The following DAB1 variants were observed in gnomAD, a reference collection of about 807,000 sequenced individuals.
The protein encoded by DAB1 is disabled homolog 1.
In DAB1, 15 loss-of-function variants were observed where a neutral mutation model predicts 64.6. The ratio of observed to expected loss-of-function variants is 0.23; its 90% CI spans 0.16 to 0.36. The LOEUF (loss-of-function observed/expected upper bound fraction) is 0.36. DAB1 is among the 10% of genes least tolerant of loss of function. The pLI is 1.00. For synonymous variants in DAB1, 235 were observed against 251.9 expected (o/e 0.93, Z 0.64); for missense variants, 596 against 706.7 (o/e 0.84, Z 1.78).
chr1:57,506,178 C>T (rs1197940187), intron 7 of DAB1, among the ~76,000 whole-genome samples: 2 of 152,014 alleles, frequency 1.3e-5, no homozygotes, highest in African/African-American at 2.4e-5. Flanking sequence ...TTTGGCGTTG[C>T]ATTGTTAAGA....
At chr1:57,285,500 T>A (rs1307270819) in intron 2 of DAB1, among the ~76,000 whole-genome samples, 1 of 152,062 alleles carries the variant, frequency 6.6e-6, no homozygotes, top group African/African-American at 2.4e-5. Context: ...CTCGAACACC[T>A]GACCTCAGGT....
intron 4 of DAB1, among the ~76,000 whole-genome samples, chr1:57,086,137 G>A (rs905062443): frequency 6.6e-6 from 1 of 152,280 alleles, no homozygotes; most frequent in South Asian, 2.1e-4. Flanking sequence ...TAAAAAACTG[G>A]AGTGGTTGAA....
chr1:57,574,485 G>A (rs1645227554), intron 7 of DAB1, among the ~76,000 whole-genome samples: 2 of 152,124 alleles, frequency 1.3e-5, no homozygotes, highest in African/African-American at 2.4e-5. Flanking sequence ...TTTTTTAGAA[G>A]AGAAAAGTAA....
intron 7 of DAB1, among the ~76,000 whole-genome samples, chr1:57,440,728 T>C (rs1169380087): frequency 6.6e-6 from 1 of 152,228 alleles, no homozygotes; most frequent in Non-Finnish European, 1.5e-5. Context: ...CTCCAGGGAA[T>C]ATCCACAGGG....
intron 1 of DAB1, among the ~76,000 whole-genome samples, chr1:57,371,655 G>T (rs191191138): frequency 6.6e-6 from 1 of 152,276 alleles, no homozygotes; most frequent in Admixed American, 6.5e-5. Flanking sequence ...CTCTACAGGG[G>T]AAGTCAATAT....
In DAB1 at chr1:57,026,061, T is replaced by C. The variant is rs755839095; in HGVS notation, c.724-18A>G. On this transcript the variant is annotated intron_variant, in intron 9 of 14. Transcript: ENST00000371236. The stretch of plus-strand genomic sequence containing the variant: ...GTCACAGCCTGTAAAGACAAAAAGG[T>C]AATCATGTGACTACAAAGAAAGCTG... 52 of 1,595,990 alleles carry C rather than the reference T, an allele frequency of 3.3e-5. No individual in the cohort carries two copies. Among genetic ancestry groups the C allele is most frequent in the Admixed American group, 8.6e-5 (5 of 57,964 alleles).
chr1:58,076,605 G>T (rs992901052), intron 5 of DAB1, among the ~76,000 whole-genome samples: 5 of 152,144 alleles, frequency 3.3e-5, no homozygotes, highest in Non-Finnish European at 5.9e-5. Context: ...CTTGCCCAAG[G>T]TTTCCTAATT....
At chr1:57,149,452 T>G (rs747356227) in intron 2 of DAB1, among the ~76,000 whole-genome samples, 3 of 152,198 alleles carry the variant, frequency 2.0e-5, no homozygotes, top group Non-Finnish European at 4.4e-5. Context: ...CCTAGCAAAA[T>G]ATAAGGTTCC....
intron 2 of DAB1, among the ~76,000 whole-genome samples, chr1:57,219,051 C>T (rs913820834): frequency 2.6e-5 from 4 of 152,072 alleles, no homozygotes; most frequent in African/African-American, 9.7e-5. Flanking sequence ...CTTTTTCTAT[C>T]GCATGGATAG....
At chr1:57,841,584 C>T (rs1453413244) in intron 1 of DAB1, among the ~76,000 whole-genome samples, 1 of 152,254 alleles carries the variant, frequency 6.6e-6, no homozygotes, top group Admixed American at 6.5e-5. Flanking sequence ...CCTAACACCA[C>T]ATGGAAGCCA....
At chr1:58,386,579 A>C (rs1405540767) in intron 3 of DAB1, among the ~76,000 whole-genome samples, 2 of 152,130 alleles carry the variant, frequency 1.3e-5, no homozygotes, top group Admixed American at 1.3e-4. Flanking sequence ...CAAATACTGA[A>C]CTCCACTTCT....
chr1:57,732,162 C>G (rs1647459934), intron 6 of DAB1, among the ~76,000 whole-genome samples: 1 of 151,022 alleles, frequency 6.6e-6, no homozygotes, highest in Non-Finnish European at 1.5e-5. Context: ...GGTTGAAAAT[C>G]CCAGGGCAAT....
At chr1:57,084,348 A>T (rs1308394643) in intron 4 of DAB1, among the ~76,000 whole-genome samples, 2 of 152,194 alleles carry the variant, frequency 1.3e-5, no homozygotes, top group Middle Eastern at 3.2e-3. Context: ...GGGGACAGGC[A>T]TGGACCAGTC....
chr1:57,880,104 C>T (rs1644119705), intron 1 of DAB1: 1 of 151,906 alleles, frequency 6.6e-6, no homozygotes, highest in Admixed American at 6.6e-5. Context: ...TCCCCCTCCC[C>T]CCTACCCCCC....
intron 2 of DAB1, among the ~76,000 whole-genome samples, chr1:57,226,673 ATATAT>A (rs1452538429): frequency 6.6e-5 from 8 of 121,712 alleles, no homozygotes; most frequent in East Asian, 4.5e-4. Context: ...TAAAAAAAAA[ATATAT>A]ATATATATAT....
At chr1:57,122,983 C>T (rs919731836) in intron 4 of DAB1, among the ~76,000 whole-genome samples, 1 of 152,004 alleles carries the variant, frequency 6.6e-6, no homozygotes, top group Non-Finnish European at 1.5e-5. Flanking sequence ...AAAACTTAGG[C>T]TCAGAGAGGT....
intron 5 of DAB1, chr1:58,048,084 C>T: frequency 1.3e-6 from 1 of 754,956 alleles, no homozygotes. Flanking sequence ...CCTGCCACCA[C>T]TGTGTTTGGC....
intron 7 of DAB1, among the ~76,000 whole-genome samples, chr1:57,639,302 A>G (rs912134450): frequency 1.1e-4 from 17 of 151,134 alleles, no homozygotes; most frequent in African/African-American, 3.9e-4. Context: ...ACTTTAGTAA[A>G]TAACTTTATA....
chr1:58,125,272 A>G (rs1431811038), intron 5 of DAB1, among the ~76,000 whole-genome samples: 4 of 152,146 alleles, frequency 2.6e-5, no homozygotes, highest in African/African-American at 7.2e-5. Context: ...TAAAAAACAT[A>G]AATTTTGGTT....
Sources: allele counts gnomAD v4.1 joint callset (sites outside exome capture counted in the v4.1 genomes callset), GRCh38; gene constraint gnomAD v4.1.1; transcripts MANE v1.5; gene names NCBI Gene and HGNC (gene_info 2026-07-23, HGNC 2026-07-21).